Variants in TDRD15 observed in about 807,000 individuals in gnomAD.
TDRD15 encodes tudor domain-containing protein 15.
For missense variants in TDRD15, 1,416 were observed against 904.7 expected (o/e 1.57, Z -7.25); for synonymous variants, 503 against 314.5 (o/e 1.60, Z -6.34).
intron 2 of TDRD15, among the ~76,000 whole-genome samples, chr2:21,133,276 C>T (rs1665753490): frequency 1.3e-5 from 2 of 152,128 alleles, no homozygotes; most frequent in African/African-American, 4.8e-5. Context: ...TGCCAGAATA[C>T]TGGCCAAAGT....
intron 3 of TDRD15, among the ~76,000 whole-genome samples, chr2:21,135,117 ATAT>A (rs1665784589): frequency 6.8e-6 from 1 of 146,316 alleles, no homozygotes; most frequent in African/African-American, 2.5e-5. Flanking sequence ...AATATAAAAT[ATAT>A]TATGTATTAA....
rs536869904 is a variant in TDRD15 at position 21,126,681 on chromosome 2, G to A, written c.-200-920G>A. Among the ~76,000 whole-genome samples, 12 of 152,230 alleles carry A rather than the reference G, an allele frequency of 7.9e-5. No homozygotes were observed. The South Asian group carries it at 2.1e-3, about 26-fold the overall frequency. ...TTGTTGGATAGTTTCCATTTTATGC[G>A]TTACGACTATTGTATTGTTCCATTG... is the stretch of plus-strand genomic sequence containing the variant. On this transcript the variant is annotated intron_variant, in intron 1 of 3. Transcript: ENST00000405799.
chr2:21,131,830 G>A (rs12470778), intron 2 of TDRD15, among the ~76,000 whole-genome samples: 12,234 of 152,144 alleles, frequency 0.08, 654 homozygotes, highest in East Asian at 0.15. Flanking sequence ...AACGTTGGTA[G>A]ATATAAGTTA....
Position 21,138,345 on chromosome 2 carries a change from G to T in TDRD15, c.878G>T (p.Gly293Val), listed in dbSNP as rs1572299543. The change falls in exon 4 of 4, where the codon GGA (glycine) becomes GTA (valine). Residue 293 changes from glycine (G) to valine (V), a missense_variant. Coordinates refer to ENST00000405799, the MANE Select transcript of TDRD15 (RefSeq NM_001306137.2). Reference protein sequence around the residue: ...QETSPTCDNFGLLCVARRRNG... With the variant: ...QETSPTCDNFVLLCVARRRNG... ...ACTAGTCCCACGTGTGATAATTTTG[G>T]ACTGCTTTGTGTTGCCAGAAGGCGA... 2.8e-6 allele frequency: 2 copies of T among 716,396 alleles called. No homozygotes were observed. Among genetic ancestry groups the T allele is most frequent in the African/African-American group, 1.7e-5 (1 of 57,172 alleles). 44.4% of individuals were successfully genotyped at this position (716,396 alleles called of 1,614,324 possible).
At position 21,144,224 on chromosome 2, in the gene TDRD15, A is replaced by G. The variant is rs1189439313; in HGVS notation, c.*952A>G. Among the ~76,000 whole-genome samples the G allele has an allele frequency of 6.6e-6, 1 of 151,792 alleles. No homozygotes were observed. Among genetic ancestry groups the G allele is most frequent in the African/African-American group, 2.4e-5 (1 of 41,398 alleles). On this transcript the variant is annotated 3_prime_UTR_variant, in exon 4 of 4. Transcript: ENST00000405799. ...AATATTGTTAAAATTTTAATATTTT[A>G]TGCACTACAGTATTGTCTGATTTTG...
chr2:21,135,016 A>C (rs1200754921), intron 3 of TDRD15, among the ~76,000 whole-genome samples, 169 bp downstream of exon 3: 1 of 146,700 alleles, frequency 6.8e-6, no homozygotes, highest in East Asian at 2.0e-4. Context: ...TTTATATATA[A>C]ATTGTGTATA....
intron 1 of TDRD15, 77 bp from the exon 2 acceptor site, chr2:21,127,524 C>G (rs558104429): frequency 2.0e-5 from 3 of 152,206 alleles, no homozygotes; most frequent in South Asian, 4.1e-4. Context: ...TATGGCTATC[C>G]AGCTGTTACA....
At chr2:21,130,280 C>T (rs1036758962) in intron 2 of TDRD15, among the ~76,000 whole-genome samples, 2 of 152,146 alleles carry the variant, frequency 1.3e-5, no homozygotes, top group African/African-American at 4.8e-5. Context: ...TCTCAACTTA[C>T]AATGAGATTA....
chr2:21,139,248 T>C lies in TDRD15; in HGVS notation c.1781T>C (p.Met594Thr). ...PEFCELPALA[M>T]CCSLAHIFPV... is the part of the protein sequence containing the mutation. ...TTTTGTGAGTTGCCTGCCTTAGCGA[T>C]GTGCTGTTCACTTGCACATATATTT... The change falls in exon 4 of 4, where the codon ATG (methionine) becomes ACG (threonine). Residue 594 changes from methionine (M) to threonine (T), a missense_variant. Coordinates refer to ENST00000405799, the MANE Select transcript of TDRD15 (RefSeq NM_001306137.2). 1 of 715,626 alleles carries C rather than the reference T, an allele frequency of 1.4e-6. No individual in the cohort carries two copies. Among genetic ancestry groups the C allele is most frequent in the Non-Finnish European group, 2.6e-6 (1 of 384,108 alleles). 44.3% of individuals were successfully genotyped at this position (715,626 alleles called of 1,614,324 possible).
At position 21,141,573 on chromosome 2, in the gene TDRD15, C is replaced by T. The variant is rs1478833320; in HGVS notation, c.4106C>T (p.Pro1369Leu). ...IYRAVIKKIL[P>L]GNSFEVEFID... ...AGGGCAGTTATTAAGAAAATTTTGC[C>T]AGGAAATTCTTTTGAAGTAGAATTT... The change falls in exon 4 of 4, where the codon CCA becomes CTA. Residue 1369 changes from proline (P) to leucine (L), a missense_variant. By Grantham distance (98) the Pro-to-Leu change is moderately conservative. Transcript: ENST00000405799. The T allele has an allele frequency of 2.8e-6, 2 of 713,760 alleles. No homozygotes were observed. Among genetic ancestry groups the T allele is most frequent in the Non-Finnish European group, 5.2e-6 (2 of 383,232 alleles). The allele number at this position is 713,760 out of a possible 1,614,324, so 44.2% of individuals were successfully genotyped here.
At chr2:21,124,951 C>T (rs1423726174) in intron 1 of TDRD15, among the ~76,000 whole-genome samples, 3 of 143,116 alleles carry the variant, frequency 2.1e-5, no homozygotes, top group Admixed American at 7.0e-5. Context: ...ACCCTAATGC[C>T]AGGGTGTGTG....
At position 21,140,966 on chromosome 2, in the gene TDRD15, A is replaced by G. The variant is rs1665911226; in HGVS notation, c.3499A>G (p.Thr1167Ala). The change falls in exon 4 of 4, where the codon ACT (threonine) becomes GCT (alanine). Residue 1167 changes from threonine to alanine, a missense_variant. Thr to Ala is a moderately conservative substitution (Grantham distance 58). Coordinates refer to ENST00000405799, the MANE Select transcript of TDRD15 (RefSeq NM_001306137.2). ...AATAAATGAGAATAAGAGATTTACT[A>G]CTTCTTTGAAAGGCAAAACAGGAAA... ...NKINENKRFT[T>A]SLKGKTGNNY... The G allele has an allele frequency of 5.6e-6, 4 of 714,026 alleles. No individual in the cohort carries two copies. Among genetic ancestry groups the G allele is most frequent in the Non-Finnish European group, 1.0e-5 (4 of 383,448 alleles). 44.2% of individuals were successfully genotyped at this position (714,026 alleles called of 1,614,324 possible).
Position 21,139,584 on chromosome 2 carries a change from A to G in TDRD15, c.2117A>G (p.Lys706Arg), listed in dbSNP as rs1245067569. 2.8e-6 allele frequency: 2 copies of G among 714,800 alleles called. No individual in the cohort carries two copies. The highest frequency in any genetic ancestry group is 1.8e-5 in the African/African-American group (1 of 57,106). 44.3% of individuals were successfully genotyped at this position (714,800 alleles called of 1,614,324 possible). A position where few individuals can be genotyped will look rare whatever the true frequency, so the allele number is the denominator to read the frequency against. The change falls in exon 4 of 4, where the codon AAA (lysine) becomes AGA (arginine). Residue 706 changes from lysine (K) to arginine (R), a missense_variant. Lys to Arg is a conservative substitution (Grantham distance 26). Transcript: ENST00000405799. The stretch of plus-strand genomic sequence containing the variant: ...GCCCTTCTTGAAGGACCTAAATCTA[A>G]AAAGTACCATTCAAATAACCTGGTG... ...ISALLEGPKS[K>R]KYHSNNLVEN... is the part of the protein sequence containing the mutation.
chr2:21,129,776 C>T (rs1408401061), intron 2 of TDRD15, among the ~76,000 whole-genome samples: 1 of 152,160 alleles, frequency 6.6e-6, no homozygotes, highest in African/African-American at 2.4e-5. Context: ...AAGCCATTGC[C>T]TAACACATCT....
intron 3 of TDRD15, among the ~76,000 whole-genome samples, chr2:21,136,411 C>T (rs1048251267): frequency 1.3e-5 from 2 of 151,880 alleles, no homozygotes; most frequent in African/African-American, 4.8e-5. Flanking sequence ...TATAGTTCAT[C>T]CTAATATCAG....
chr2:21,126,182 G>T (rs1364443020), intron 1 of TDRD15, among the ~76,000 whole-genome samples: 1 of 152,052 alleles, frequency 6.6e-6, no homozygotes, highest in Non-Finnish European at 1.5e-5. Flanking sequence ...GGTTTCCTTT[G>T]GTCCCACTCG....
In TDRD15 at chr2:21,143,421, TAGTAAA is replaced by T. The variant is rs1665977896; in HGVS notation, c.*152_*157del. On this transcript the variant is annotated 3_prime_UTR_variant, in exon 4 of 4. Transcript: ENST00000405799. ...AGAACCTCTTAAGGAAAATTCGTAT[TAGTAAA>T]AGATCACATTCTAGAAATTTAACAG... The T allele has an allele frequency of 2.2e-6, 1 of 453,926 alleles. No individual in the cohort carries two copies. The highest frequency in any genetic ancestry group is 3.9e-6 in the Non-Finnish European group (1 of 258,564). 28.1% of individuals were successfully genotyped at this position (453,926 alleles called of 1,614,324 possible).
Position 21,140,199 on chromosome 2 carries a change from AC to A in TDRD15, c.2734del (p.His912IlefsTer5). The A allele has an allele frequency of 1.4e-6, 1 of 715,278 alleles. No homozygotes were observed. The highest frequency in any genetic ancestry group is 2.6e-6 in the Non-Finnish European group (1 of 383,842). The allele number at this position is 715,278 out of a possible 1,614,324, so 44.3% of individuals were successfully genotyped here. A position where few individuals can be genotyped will look rare whatever the true frequency, so the allele number is the denominator to read the frequency against. On this transcript the variant is annotated frameshift_variant, in exon 4 of 4. Coordinates refer to ENST00000405799, the MANE Select transcript of TDRD15 (RefSeq NM_001306137.2). LOFTEE classifies it low-confidence loss of function (END_TRUNC). ...IIYALVIIHP[N>X]HLYNLVDLQS... is the part of the protein sequence containing the mutation. ...TATGCCTTAGTTATTATACATCCAA[AC>A]CATTTATATAACTTAGTGGATTTAC...
rs1247435964 is a variant in TDRD15 at position 21,137,753 on chromosome 2, C to A, written c.286C>A (p.Arg96Ser). 2.8e-6 allele frequency: 2 copies of A among 716,482 alleles called. No individual in the cohort carries two copies. The highest frequency in any genetic ancestry group is 4.0e-5 in the Admixed American group (2 of 49,952). 44.4% of individuals were successfully genotyped at this position (716,482 alleles called of 1,614,324 possible). A position where few individuals can be genotyped will look rare whatever the true frequency, so the allele number is the denominator to read the frequency against. Reference sequence around the variant, plus strand: ...ACTCTATACAGTGCTCCTCATAGATCGCGGAGAAGAACTAAGAGTTGCTGG... The same window carrying A: ...ACTCTATACAGTGCTCCTCATAGATAGCGGAGAAGAACTAAGAGTTGCTGG... ...NELYTVLLID[R>S]GEELRVAGPQ... The change falls in exon 4 of 4, where the codon CGC (arginine) becomes AGC (serine). Residue 96 changes from arginine to serine, a missense_variant. Transcript: ENST00000405799.
Sources: gnomAD v4.1 joint callset for allele counts (sites outside exome capture counted in the v4.1 genomes callset) on GRCh38, gnomAD v4.1.1 for gene constraint, MANE v1.5 for transcripts, NCBI Gene and HGNC (gene_info 2026-07-23, HGNC 2026-07-21) for gene names.